RIMS2: variants seen among roughly 807,000 people sequenced by gnomAD.
The protein encoded by RIMS2 is regulating synaptic membrane exocytosis 2, also known as regulating synaptic membrane exocytosis protein 2.
A neutral mutation model predicts 174.4 loss-of-function variants in RIMS2; 59 were observed. The ratio of observed to expected loss-of-function variants is 0.34; its 90% CI spans 0.27 to 0.42. The LOEUF is 0.42. Among genes scored for constraint, RIMS2 ranks in the 10% least tolerant of loss-of-function variants. The pLI is 1.00. For synonymous variants in RIMS2, 606 were observed against 572.5 expected, an observed-to-expected ratio of 1.06 and a Z score of -0.84; for missense variants, 1,620 against 1,666.3, an observed-to-expected ratio of 0.97 and a Z score of 0.48.
intron 19 of RIMS2, among the ~76,000 whole-genome samples, chr8:104,139,884 T>C (rs1213644370): frequency 6.6e-6 from 1 of 152,184 alleles, no homozygotes; most frequent in Admixed American, 6.5e-5. Flanking sequence ...TTCAGTATGA[T>C]ACTAGCTGTG....
chr8:103,915,415 C>A (rs73699004), intron 6 of RIMS2, 80 bp from the exon 10 acceptor site: 65,862 of 707,470 alleles, frequency 0.093, 4,453 homozygotes, highest in African/African-American at 0.29. Context: ...GCAAATTGTT[C>A]TAGGTATTCT....
At position 103,752,140 on chromosome 8, in the gene RIMS2, A is replaced by T. The variant is rs2097901412; in HGVS notation, c.388-14087A>T. ...ATTGATTTTTGTATAAGGTGTAAGGAAGGGATCCAGTTTCAGCTTTTTACA... is the reference window on the plus strand; with the variant it reads ...ATTGATTTTTGTATAAGGTGTAAGGTAGGGATCCAGTTTCAGCTTTTTACA... On this transcript the variant is annotated intron_variant, in intron 2 of 23. Transcript: ENST00000504942. Among the ~76,000 whole-genome samples the T allele has an allele frequency of 1.3e-5, 2 of 152,148 alleles. 1 individual carries two copies. The highest frequency in any genetic ancestry group is 4.1e-4 in the South Asian group (2 of 4,824).
intron 14 of RIMS2, among the ~76,000 whole-genome samples, chr8:103,945,059 T>C (rs2154540351): frequency 6.6e-6 from 1 of 152,216 alleles, no homozygotes; most frequent in Non-Finnish European, 1.5e-5. Flanking sequence ...CTTCATCCAG[T>C]GGATAAATAT....
intron 19 of RIMS2, among the ~76,000 whole-genome samples, chr8:104,209,458 A>C (rs918156517): frequency 2.8e-4 from 43 of 152,248 alleles, no homozygotes; most frequent in African/African-American, 9.9e-4. Flanking sequence ...ACTATCTTCA[A>C]GACTTTGCTC....
chr8:103,537,718 T>C (rs1322091126), intron 1 of RIMS2, among the ~76,000 whole-genome samples: 1 of 152,192 alleles, frequency 6.6e-6, no homozygotes, highest in Admixed American at 6.5e-5. Context: ...TGGTTTTTAA[T>C]AATGTAGTAA....
Position 104,175,304 on chromosome 8 carries a change from T to C in RIMS2, c.3335-69612T>C, listed in dbSNP as rs189156702. Among the ~76,000 whole-genome samples, 19 of 152,204 alleles carry C rather than the reference T, an allele frequency of 1.2e-4. No individual in the cohort carries two copies. The East Asian group carries it at 3.7e-3, about 29-fold the overall frequency. ...TAAATTTCCTGTTAACTTTAAAAAA[T>C]TTTTTTGTGTATATATTTTTATTGT... is the stretch of plus-strand genomic sequence containing the variant. On this transcript the variant is annotated intron_variant, in intron 19 of 23. Transcript: ENST00000504942.
At chr8:104,039,665 G>A (rs2096576243) in intron 19 of RIMS2, among the ~76,000 whole-genome samples, 1 of 151,714 alleles carries the variant, frequency 6.6e-6, no homozygotes. Context: ...TATGGAAAAT[G>A]TGTATCTAGG....
intron 9 of RIMS2, 85 bp downstream of exon 12, chr8:103,918,572 A>T (rs1259904310): frequency 1.1e-6 from 1 of 915,794 alleles, no homozygotes; most frequent in Admixed American, 1.8e-5. Context: ...AGTAATGTGA[A>T]GTAAGAAATA....
chr8:103,557,571 T>C (rs2090720815), intron 1 of RIMS2, among the ~76,000 whole-genome samples: 1 of 152,222 alleles, frequency 6.6e-6, no homozygotes, highest in Non-Finnish European at 1.5e-5. Flanking sequence ...TCTAGAAATT[T>C]GGGACACTAC....
chr8:103,615,023 C>G (rs906546626), intron 1 of RIMS2, among the ~76,000 whole-genome samples: 3 of 152,080 alleles, frequency 2.0e-5, no homozygotes, highest in Non-Finnish European at 4.4e-5. Flanking sequence ...TAGCTTTTAT[C>G]TTTTAATTAT....
exon 18 of RIMS2, chr8:104,013,483 G>A (rs1254920888): frequency 1.9e-6 from 3 of 1,613,770 alleles, no homozygotes; most frequent in Non-Finnish European, 2.5e-6. Flanking sequence ...CACAGATCCA[G>A]ATCAACAGAA....
At chr8:103,985,702 C>G (rs772404272) in intron 16 of RIMS2, among the ~76,000 whole-genome samples, 76 of 151,904 alleles carry the variant, frequency 5.0e-4, no homozygotes, top group Non-Finnish European at 9.3e-4. Flanking sequence ...TTAGCCACAA[C>G]AGAATTGATA....
At chr8:103,528,438 T>C (rs1835190724) in intron 1 of RIMS2, among the ~76,000 whole-genome samples, 1 of 152,184 alleles carries the variant, frequency 6.6e-6, no homozygotes, top group African/African-American at 2.4e-5. Flanking sequence ...GCCATTGCTT[T>C]TGGTGTTTTA....
chr8:104,227,357 T>G (rs980391787), intron 19 of RIMS2, among the ~76,000 whole-genome samples: 2 of 152,134 alleles, frequency 1.3e-5, no homozygotes, highest in Non-Finnish European at 2.9e-5. Context: ...TTACTTATTT[T>G]ATCACTGAAC....
chr8:103,673,934 A>G (rs2096776863), intron 1 of RIMS2, among the ~76,000 whole-genome samples: 1 of 152,160 alleles, frequency 6.6e-6, no homozygotes. Context: ...ACATGTGAGT[A>G]TAGGTTGTTA....
intron 3 of RIMS2, among the ~76,000 whole-genome samples, chr8:103,796,867 G>A (rs2098553351): frequency 6.6e-6 from 1 of 152,120 alleles, no homozygotes; most frequent in Admixed American, 6.6e-5. Flanking sequence ...GAACTCCAGG[G>A]GGCACAATTC....
intron 17 of RIMS2, among the ~76,000 whole-genome samples, chr8:104,010,087 G>A (rs967218614): frequency 6.6e-6 from 1 of 152,000 alleles, no homozygotes; most frequent in African/African-American, 2.4e-5. Context: ...ACTACTAGAG[G>A]GAAATCCCTT....
intron 1 of RIMS2, among the ~76,000 whole-genome samples, chr8:103,665,370 A>G (rs917208666): frequency 2.0e-5 from 3 of 152,242 alleles, no homozygotes; most frequent in African/African-American, 4.8e-5. Context: ...CCTTGGTATT[A>G]TGTTTGCACA....
At chr8:104,153,190 T>C (rs2098700790) in intron 19 of RIMS2, among the ~76,000 whole-genome samples, 1 of 152,170 alleles carries the variant, frequency 6.6e-6, no homozygotes, top group Non-Finnish European at 1.5e-5. Context: ...AATTGGAAAC[T>C]CATCTTTTAA....
Sources: gnomAD v4.1 joint callset for allele counts (sites outside exome capture counted in the v4.1 genomes callset) on GRCh38, gnomAD v4.1.1 for gene constraint, MANE v1.5 for transcripts, NCBI Gene and HGNC (gene_info 2026-07-23, HGNC 2026-07-21) for gene names.